Variants in AGBL4 observed in about 807,000 individuals in gnomAD.
AGBL4 encodes cytosolic carboxypeptidase 6.
A neutral mutation model predicts 66.4 loss-of-function variants in AGBL4; 58 were observed. That is an observed-to-expected ratio of 0.87 (90% CI 0.71 to 1.09). The LOEUF (loss-of-function observed/expected upper bound fraction) is 1.09. AGBL4 is among the 50% of genes least tolerant of loss of function. The pLI is 0.00. For synonymous variants in AGBL4, 234 were observed against 222.9 expected, an observed-to-expected ratio of 1.05 and a Z score of -0.44; for missense variants, 579 against 631.0, an observed-to-expected ratio of 0.92 and a Z score of 0.88.
At chr1:48,703,131 A>G (rs1350854780) in intron 6 of AGBL4, among the ~76,000 whole-genome samples, 1 of 152,218 alleles carries the variant, frequency 6.6e-6, no homozygotes, top group Non-Finnish European at 1.5e-5. Context: ...ACTTAGAGAA[A>G]GAGAAAGTTG....
chr1:49,305,037 C>T (rs1644824576), intron 3 of AGBL4, among the ~76,000 whole-genome samples: 1 of 152,122 alleles, frequency 6.6e-6, no homozygotes, highest in African/African-American at 2.4e-5. Context: ...ATAAGAATTA[C>T]TGTCTTTACA....
chr1:49,357,156 A>T (rs1644037005), intron 3 of AGBL4, among the ~76,000 whole-genome samples: 1 of 152,148 alleles, frequency 6.6e-6, no homozygotes, highest in Admixed American at 6.5e-5. Flanking sequence ...AACAAAGAAG[A>T]CTGGTTGCCT....
intron 3 of AGBL4, among the ~76,000 whole-genome samples, chr1:49,696,048 C>T (rs1303636265): frequency 3.3e-5 from 5 of 152,004 alleles, no homozygotes; most frequent in Non-Finnish European, 5.9e-5. Context: ...TCAGGAGAAG[C>T]TAAACTCCCT....
chr1:49,916,645 G>A (rs985471599), intron 1 of AGBL4, among the ~76,000 whole-genome samples: 1 of 152,172 alleles, frequency 6.6e-6, no homozygotes, highest in Non-Finnish European at 1.5e-5. Flanking sequence ...ATGGAACCAA[G>A]TTGGAAAACA....
At chr1:49,423,338 T>C (rs1385668051) in intron 3 of AGBL4, among the ~76,000 whole-genome samples, 2 of 152,184 alleles carry the variant, frequency 1.3e-5, no homozygotes, top group African/African-American at 4.8e-5. Context: ...GAGTAGGTGC[T>C]CAGAAAGTAT....
intron 4 of AGBL4, among the ~76,000 whole-genome samples, chr1:49,235,163 G>C (rs1236515035): frequency 2.6e-5 from 4 of 152,168 alleles, no homozygotes; most frequent in Non-Finnish European, 5.9e-5. Flanking sequence ...CACTGGGGTG[G>C]CTAATCAGTA....
chr1:49,389,888 G>C (rs1346838934), intron 3 of AGBL4, among the ~76,000 whole-genome samples: 1 of 152,116 alleles, frequency 6.6e-6, no homozygotes, highest in Non-Finnish European at 1.5e-5. Flanking sequence ...TTACATAAAG[G>C]TATAATCCAA....
chr1:49,948,237 T>C (rs1319796664), intron 1 of AGBL4, among the ~76,000 whole-genome samples: 2 of 98,776 alleles, frequency 2.0e-5, no homozygotes, highest in Non-Finnish European at 3.4e-5. Context: ...TATATAAATA[T>C]ATAAATAAAT....
chr1:49,111,607 T>G lies in AGBL4; in HGVS notation c.378-65807A>C, dbSNP rs564048069. On this transcript the variant is annotated intron_variant, in intron 4 of 13. Transcript: ENST00000371839. ...TAAGTATGTCTCTCATGCCATCTTC[T>G]AACACTAAACATGATAAGTTATAAT... Among the ~76,000 whole-genome samples, 4 of 152,360 alleles carry G rather than the reference T, an allele frequency of 2.6e-5. No homozygotes were observed. The South Asian group carries it at 8.3e-4, about 32-fold the overall frequency.
intron 6 of AGBL4, among the ~76,000 whole-genome samples, chr1:48,745,428 G>A (rs533084577): frequency 6.6e-6 from 1 of 152,260 alleles, no homozygotes; most frequent in Admixed American, 6.5e-5. Context: ...GTCTACAGAG[G>A]GACAGCTAAC....
At chr1:49,651,164 T>A (rs1280736985) in intron 3 of AGBL4, among the ~76,000 whole-genome samples, 1 of 152,116 alleles carries the variant, frequency 6.6e-6, no homozygotes, top group Non-Finnish European at 1.5e-5. Context: ...GGCTGGGAGA[T>A]AAAGCACAAG....
chr1:49,230,152 G>T (rs116456293), intron 4 of AGBL4, among the ~76,000 whole-genome samples: 3 of 152,254 alleles, frequency 2.0e-5, no homozygotes, highest in African/African-American at 7.2e-5. Flanking sequence ...CCTGAGAGGA[G>T]ACTCAAGTCC....
chr1:49,186,404 A>G (rs1421625550), intron 4 of AGBL4, among the ~76,000 whole-genome samples: 2 of 152,214 alleles, frequency 1.3e-5, no homozygotes, highest in African/African-American at 2.4e-5. Flanking sequence ...CCATACTAAA[A>G]GTATAAACTT....
intron 5 of AGBL4, among the ~76,000 whole-genome samples, chr1:48,938,380 G>T (rs1478797961): frequency 6.6e-6 from 1 of 152,118 alleles, no homozygotes; most frequent in African/African-American, 2.4e-5. Flanking sequence ...GATTAAATAA[G>T]TATATAAAAT....
At chr1:49,147,415 G>A (rs1381573938) in intron 4 of AGBL4, among the ~76,000 whole-genome samples, 1 of 151,954 alleles carries the variant, frequency 6.6e-6, no homozygotes, top group Non-Finnish European at 1.5e-5. Flanking sequence ...GTCAGCTTGA[G>A]AGAGAGAGAG....
At chr1:48,741,158 T>C (rs1451517957) in intron 6 of AGBL4, among the ~76,000 whole-genome samples, 1 of 152,216 alleles carries the variant, frequency 6.6e-6, no homozygotes, top group Non-Finnish European at 1.5e-5. Flanking sequence ...AAAAACTCTC[T>C]AGTCACTCCA....
chr1:48,635,305 A>T (rs1645650649), intron 8 of AGBL4, among the ~76,000 whole-genome samples: 1 of 152,198 alleles, frequency 6.6e-6, no homozygotes, highest in Non-Finnish European at 1.5e-5. Flanking sequence ...AGACCAGGGC[A>T]TAAGCTTTCT....
At chr1:48,670,530 T>C (rs1258809181) in intron 6 of AGBL4, among the ~76,000 whole-genome samples, 2 of 152,240 alleles carry the variant, frequency 1.3e-5, no homozygotes, top group Non-Finnish European at 2.9e-5. Context: ...TTGGGCCAAC[T>C]AAGATGTTGT....
intron 1 of AGBL4, among the ~76,000 whole-genome samples, chr1:49,915,881 C>T (rs931013275): frequency 5.3e-5 from 8 of 152,060 alleles, no homozygotes; most frequent in Admixed American, 4.6e-4. Context: ...TCCTCTGAGA[C>T]GAAGCTTCCA....
Sources: allele counts gnomAD v4.1 joint callset (sites outside exome capture counted in the v4.1 genomes callset), GRCh38; gene constraint gnomAD v4.1.1; transcripts MANE v1.5; gene names NCBI Gene and HGNC (gene_info 2026-07-23, HGNC 2026-07-21).